Variants in LRRC1 observed in about 807,000 individuals in gnomAD.
The protein encoded by LRRC1 is leucine rich repeat containing 1, also known as leucine-rich repeat-containing protein 1.
In LRRC1, 28 loss-of-function variants were observed where a neutral mutation model predicts 69.9. The ratio of observed to expected loss-of-function variants is 0.40; its 90% CI spans 0.30 to 0.55. LRRC1 has a LOEUF of 0.55. Ranked by LOEUF, LRRC1 falls within the 20% of genes least tolerant of loss-of-function variation. The probability of loss-of-function intolerance (pLI) is 0.47; values close to 1 mark genes in which losing one functional copy is unlikely to be tolerated. For missense variants in LRRC1, 498 were observed against 609.0 expected, an observed-to-expected ratio of 0.82 and a Z score of 1.92; for synonymous variants, 236 against 240.2, an observed-to-expected ratio of 0.98 and a Z score of 0.16.
chr6:53,826,662 C>G lies in LRRC1; in HGVS notation c.160-15448C>G, dbSNP rs192341011. On this transcript the variant is annotated intron_variant, in intron 1 of 13. Transcript: ENST00000370888. ...GATTGACTTTTTTCATCTTCTTAAC[C>G]CAGAGTTCCTCAACCTTATTTTCAT... Among the ~76,000 whole-genome samples the G allele has an allele frequency of 7.9e-5, 12 of 152,178 alleles. No individual in the cohort carries two copies. The East Asian group carries it at 2.3e-3, about 29-fold the overall frequency.
Position 53,855,923 on chromosome 6 carries a change from A to G in LRRC1, c.277+13696A>G, listed in dbSNP as rs116592736. 4.8e-3 allele frequency among the ~76,000 whole-genome samples: 733 copies of G among 152,248 alleles called. 5 individuals carry two copies. Among genetic ancestry groups the G allele is most frequent in the African/African-American group, 0.017 (695 of 41,536 alleles). ...GCCTTCAGTTTTGAACAATTGGAGC[A>G]TGGTAAAGAGGTCTCCTTTTTGCAG... On this transcript the variant is annotated intron_variant, in intron 2 of 13. Transcript: ENST00000370888.
chr6:53,840,933 C>CGCGT (rs1765769115), intron 1 of LRRC1, among the ~76,000 whole-genome samples: 1 of 140,164 alleles, frequency 7.1e-6, no homozygotes, highest in Non-Finnish European at 1.6e-5. Context: ...TGTGTGCGTG[C>CGCGT]GCGCACATTC....
intron 2 of LRRC1, among the ~76,000 whole-genome samples, chr6:53,848,818 C>T (rs182644457): frequency 8.6e-5 from 13 of 151,838 alleles, no homozygotes; most frequent in Non-Finnish European, 1.6e-4. Context: ...AGTGCAGTGG[C>T]GCCATCTTGG....
chr6:53,871,708 C>A (rs1766889373), intron 2 of LRRC1, among the ~76,000 whole-genome samples: 1 of 152,074 alleles, frequency 6.6e-6, no homozygotes, highest in African/African-American at 2.4e-5. Context: ...GCTCTTGTTG[C>A]CCAGGCTTGG....
chr6:53,810,535 G>T (rs1764762247), intron 1 of LRRC1, among the ~76,000 whole-genome samples: 1 of 151,910 alleles, frequency 6.6e-6, no homozygotes, highest in Admixed American at 6.6e-5. Flanking sequence ...CAGGAGAATG[G>T]CTTAAACCCA....
At chr6:53,907,946 C>T (rs1404266015) in intron 10 of LRRC1, among the ~76,000 whole-genome samples, 1 of 152,050 alleles carries the variant, frequency 6.6e-6, no homozygotes, top group Non-Finnish European at 1.5e-5. Context: ...AATGGAAAGG[C>T]TAGATTTGCT....
intron 2 of LRRC1, among the ~76,000 whole-genome samples, chr6:53,845,123 G>A (rs1368942507): frequency 6.6e-6 from 1 of 152,230 alleles, no homozygotes; most frequent in East Asian, 1.9e-4. Context: ...AGAATCGCTT[G>A]AACCCGGGAG....
chr6:53,913,540 CAG>C (rs1222939602), intron 10 of LRRC1, among the ~76,000 whole-genome samples: 1 of 152,182 alleles, frequency 6.6e-6, no homozygotes, highest in African/African-American at 2.4e-5. Flanking sequence ...TAACATTTAA[CAG>C]ATGCAGTTGC....
chr6:53,821,794 G>T (rs891595858), intron 1 of LRRC1, among the ~76,000 whole-genome samples: 2 of 151,890 alleles, frequency 1.3e-5, no homozygotes, highest in African/African-American at 4.8e-5. Flanking sequence ...CAACGCTTTG[G>T]ACCATTTACA....
At chr6:53,836,261 A>G (rs6903399) in intron 1 of LRRC1, among the ~76,000 whole-genome samples, 30,919 of 152,196 alleles carry the variant, frequency 0.2, 3,894 homozygotes, top group East Asian at 0.59. Context: ...GGAATTACCT[A>G]ACCAACGCAC....
At chr6:53,852,533 C>T (rs1308682865) in intron 2 of LRRC1, among the ~76,000 whole-genome samples, 1 of 152,186 alleles carries the variant, frequency 6.6e-6, no homozygotes, top group Non-Finnish European at 1.5e-5. Flanking sequence ...CTATTAGCAT[C>T]TCAGGGATGG....
chr6:53,892,947 C>G lies in LRRC1; in HGVS notation c.447-3551C>G, dbSNP rs934095485. On this transcript the variant is annotated intron_variant, in intron 4 of 13. Coordinates refer to ENST00000370888, the MANE Select transcript of LRRC1 (RefSeq NM_018214.5). ...AGGAGGTAGGAGTCTATAGTCAGAG[C>G]CTTTGTTTGCTTTCTATTTCTTCCA... Among the ~76,000 whole-genome samples, 6 of 152,218 alleles carry G rather than the reference C, an allele frequency of 3.9e-5. No individual in the cohort carries two copies. In the South Asian group the frequency reaches 6.2e-4, roughly 16 times the overall value.
intron 1 of LRRC1, among the ~76,000 whole-genome samples, chr6:53,818,382 A>AT (rs1004359828): frequency 7.2e-5 from 11 of 152,282 alleles, no homozygotes; most frequent in African/African-American, 1.2e-4. Context: ...TCAATAGTGC[A>AT]TTTTTTTGTG....
chr6:53,885,894 C>A (rs967605212), intron 4 of LRRC1, among the ~76,000 whole-genome samples: 1 of 152,102 alleles, frequency 6.6e-6, no homozygotes, highest in African/African-American at 2.4e-5. Flanking sequence ...TACGGCTCTC[C>A]AGGTCCCAGT....
At position 53,922,729 on chromosome 6, in the gene LRRC1, A is replaced by G. The variant is rs1398988712; in HGVS notation, c.1511A>G (p.Lys504Arg). ...ENLRNDMNAA[K>R]GLDSNKNEVN... ...TTACGGAATGACATGAATGCTGCTA[A>G]AGGACTGGACTCAAACAAAAACGAG... The change falls in exon 14 of 14, where the codon AAA becomes AGA. Residue 504 changes from lysine (K) to arginine (R), a missense_variant. Physicochemically the swap from Lys to Arg is conservative, Grantham distance 26 (BLOSUM62 2). Around this residue, in one of 3 missense-constraint regions of LRRC1, gnomAD observed 162 missense variants for 162.9 expected, o/e 0.99. Coordinates refer to ENST00000370888, the MANE Select transcript of LRRC1 (RefSeq NM_018214.5). 1 of 1,614,148 alleles carries G rather than the reference A, an allele frequency of 6.2e-7. No individual in the cohort carries two copies. The highest frequency in any genetic ancestry group is 1.3e-5 in the African/African-American group (1 of 75,056).
chr6:53,800,186 G>A (rs926733452), intron 1 of LRRC1, among the ~76,000 whole-genome samples: 1 of 150,278 alleles, frequency 6.7e-6, no homozygotes, highest in Non-Finnish European at 1.5e-5. Flanking sequence ...GCTCTCAGAT[G>A]TCTAACATCT....
chr6:53,900,509 T>C (rs959773977), intron 8 of LRRC1, among the ~76,000 whole-genome samples: 2 of 152,298 alleles, frequency 1.3e-5, no homozygotes, highest in African/African-American at 4.8e-5. Context: ...TCATGAGGGA[T>C]TACCCCAAAT....
chr6:53,909,763 T>C (rs1768353675), intron 10 of LRRC1, among the ~76,000 whole-genome samples: 1 of 152,226 alleles, frequency 6.6e-6, no homozygotes, highest in Non-Finnish European at 1.5e-5. Context: ...TCTAAAATTA[T>C]GCTTCATATT....
chr6:53,882,601 T>G (rs1465422255), intron 3 of LRRC1, among the ~76,000 whole-genome samples: 1 of 152,230 alleles, frequency 6.6e-6, no homozygotes, highest in African/African-American at 2.4e-5. Context: ...CAACATTTTT[T>G]TGCCTTTATT....
Sources: gnomAD v4.1 joint callset for allele counts (sites outside exome capture counted in the v4.1 genomes callset) on GRCh38, gnomAD v4.1.1 for gene constraint, gnomAD v4.1.1 regional missense constraint, MANE v1.5 for transcripts, NCBI Gene and HGNC (gene_info 2026-07-23, HGNC 2026-07-21) for gene names.